DYNC2I2: variants seen among roughly 807,000 people sequenced by gnomAD.
DYNC2I2 encodes the protein dynein 2 intermediate chain 2, also known as cytoplasmic dynein 2 intermediate chain 2.
A neutral mutation model predicts 52.0 loss-of-function variants in DYNC2I2; 39 were observed. That is an observed-to-expected ratio of 0.75 (90% CI 0.58 to 0.98). The LOEUF is 0.98. Among genes scored for constraint, DYNC2I2 ranks in the 50% least tolerant of loss-of-function variants. The probability of loss-of-function intolerance (pLI) is 0.00; values close to 1 mark genes in which losing one functional copy is unlikely to be tolerated. For synonymous variants in DYNC2I2, 359 were observed against 321.1 expected (o/e 1.12, Z -1.26); for missense variants, 743 against 728.4 (o/e 1.02, Z -0.23).
At chr9:128,683,769 A>G in the DYNC2I2 span, 2 of 722,922 alleles carry the variant, frequency 2.8e-6, no homozygotes, top group Non-Finnish European at 4.5e-6. Context: ...TCATGTAAAT[A>G]TCCCTTCCAG....
upstream of DYNC2I2, among the ~76,000 whole-genome samples, chr9:128,661,578 G>A (rs1000625592): frequency 3.3e-5 from 5 of 151,832 alleles, no homozygotes; most frequent in Middle Eastern, 3.5e-3. Context: ...AGATTGAGCC[G>A]TTGCACTCCA....
chr9:128,648,141 G>C (rs1448199038), intron 1 of DYNC2I2, among the ~76,000 whole-genome samples: 1 of 152,168 alleles, frequency 6.6e-6, no homozygotes, highest in Non-Finnish European at 1.5e-5. Context: ...GGGCACAGTG[G>C]CTCGCACCTG....
rs1318837079 is a variant in DYNC2I2, at chr9:128,635,776, A to G, written c.704-9T>C. On this transcript the variant is annotated splice_polypyrimidine_tract_variant and intron_variant, in intron 4 of 8. Coordinates refer to ENST00000372715, the MANE Select transcript of DYNC2I2 (RefSeq NM_052844.4). Reference sequence around the variant, plus strand: ...ACCACTGTACAGCCCTCCTGCAGGGACAGTGGACCTGGGCAGAGGCTCAGC... The same window carrying G: ...ACCACTGTACAGCCCTCCTGCAGGGGCAGTGGACCTGGGCAGAGGCTCAGC... The G allele has an allele frequency of 6.2e-7, 1 of 1,607,272 alleles. No individual in the cohort carries two copies. Among genetic ancestry groups the G allele is most frequent in the East Asian group, 2.2e-5 (1 of 44,686 alleles).
At chr9:128,660,370 A>G (rs1353020509), upstream of DYNC2I2, among the ~76,000 whole-genome samples, 1 of 151,730 alleles carries the variant, frequency 6.6e-6, no homozygotes, top group East Asian at 1.9e-4. Context: ...TCGGCCTCCC[A>G]AAGTGCTGGG....
At chr9:128,635,007 C>G in intron 6 of DYNC2I2, 85 bp downstream of exon 6, 2 of 1,583,814 alleles carry the variant, frequency 1.3e-6, no homozygotes, top group Non-Finnish European at 1.7e-6. Context: ...GAGGGGAGAT[C>G]ACAGCAAGTC....
upstream of DYNC2I2, among the ~76,000 whole-genome samples, chr9:128,658,150 G>C (rs527279405): frequency 6.6e-6 from 1 of 151,486 alleles, no homozygotes; most frequent in Non-Finnish European, 1.5e-5. Context: ...AAATGATCTG[G>C]GAAGGATAGA....
At chr9:128,678,602 C>G in the DYNC2I2 span, among the ~76,000 whole-genome samples, 10 of 150,766 alleles carry the variant, frequency 6.6e-5, no homozygotes, top group African/African-American at 9.7e-5. Context: ...GCTGGAATGA[C>G]GAGTACCCAC....
At chr9:128,647,234 A>AT (rs1860631975) in intron 1 of DYNC2I2, among the ~76,000 whole-genome samples, 1 of 152,216 alleles carries the variant, frequency 6.6e-6, no homozygotes, top group Non-Finnish European at 1.5e-5. Flanking sequence ...TAAGTCAGAG[A>AT]TCCCTTTGGG....
chr9:128,635,574 C>G lies in DYNC2I2; in HGVS notation c.813+84G>C. The G allele has an allele frequency of 3.1e-6, 4 of 1,288,202 alleles. No individual in the cohort carries two copies. In the South Asian group the frequency reaches 5.3e-5, roughly 17 times the overall value. The allele number at this position is 1,288,202 out of a possible 1,614,324, so 79.8% of individuals were successfully genotyped here. A position where few individuals can be genotyped will look rare whatever the true frequency, so the allele number is the denominator to read the frequency against. ...GGAGGCAGCTGTCCAACTGCCAACG[C>G]CCGGGTGACCTTCCTAGGAGAGTGG... On this transcript the variant is annotated intron_variant, in intron 5 of 8. Coordinates refer to ENST00000372715, the MANE Select transcript of DYNC2I2 (RefSeq NM_052844.4).
At chr9:128,644,392 A>G (rs1042727883) in intron 1 of DYNC2I2, among the ~76,000 whole-genome samples, 13 of 151,240 alleles carry the variant, frequency 8.6e-5, no homozygotes, top group African/African-American at 3.2e-4. Flanking sequence ...CTCCCACCTC[A>G]GCCCCCCAAG....
intron 1 of DYNC2I2, 55 bp downstream of exon 1, chr9:128,656,486 C>T: frequency 1.6e-6 from 2 of 1,216,786 alleles, no homozygotes; most frequent in Non-Finnish European, 1.0e-6. Flanking sequence ...CCGGCAGCCG[C>T]GCTGCGACCC....
At chr9:128,669,131 C>T in the DYNC2I2 span, among the ~76,000 whole-genome samples, 6 of 151,872 alleles carry the variant, frequency 4.0e-5, no homozygotes, top group South Asian at 2.1e-4. Flanking sequence ...TTTGGGAGGC[C>T]GAGGCGGGCG....
chr9:128,656,958 G>T (rs994094797), upstream of DYNC2I2, among the ~76,000 whole-genome samples: 3 of 152,244 alleles, frequency 2.0e-5, no homozygotes, highest in Non-Finnish European at 4.4e-5. Context: ...GAGTAGGCGC[G>T]CTACTCCTGG....
upstream of DYNC2I2, among the ~76,000 whole-genome samples, chr9:128,658,357 G>T (rs1476099578): frequency 6.6e-6 from 1 of 151,958 alleles, no homozygotes; most frequent in East Asian, 1.9e-4. Flanking sequence ...GTAGAGAAGG[G>T]TTTCACCATG....
rs752793349 is a variant in DYNC2I2, at chr9:128,656,683, C to T, written c.44G>A (p.Ser15Asn). Residue 15 changes from serine to asparagine, a missense_variant, in exon 1 of 9, where the codon AGC becomes AAC. Coordinates refer to ENST00000372715, the MANE Select transcript of DYNC2I2 (RefSeq NM_052844.4). ...AQPGPLSQAGSAGVAALATVG... is the reference protein window; with the variant it reads ...AQPGPLSQAGNAGVAALATVG... ...TGTCGCCAGCGCCGCAACACCAGCG[C>T]TTCCCGCCTGGCTGAGTGGCCCCGG... 5.9e-5 allele frequency: 89 copies of T among 1,498,244 alleles called. No homozygotes were observed. Among genetic ancestry groups the T allele is most frequent in the Middle Eastern group, 2.1e-4 (1 of 4,808 alleles). 92.8% of individuals were successfully genotyped at this position (1,498,244 alleles called of 1,614,324 possible). A position where few individuals can be genotyped will look rare whatever the true frequency, so the allele number is the denominator to read the frequency against.
At chr9:128,655,645 C>T (rs1203729312) in intron 1 of DYNC2I2, among the ~76,000 whole-genome samples, 2 of 150,220 alleles carry the variant, frequency 1.3e-5, no homozygotes, top group East Asian at 2.0e-4. Context: ...CGCGGTGGCT[C>T]ACGCCTGTAA....
intron 1 of DYNC2I2, among the ~76,000 whole-genome samples, chr9:128,645,023 G>A (rs1198725143): frequency 6.6e-6 from 1 of 151,954 alleles, no homozygotes; most frequent in Non-Finnish European, 1.5e-5. Context: ...TCTCTCCTTG[G>A]GCCTCCCTAT....
chr9:128,654,065 G>C (rs1437284247), intron 1 of DYNC2I2, among the ~76,000 whole-genome samples: 1 of 152,164 alleles, frequency 6.6e-6, no homozygotes, highest in East Asian at 1.9e-4. Context: ...TTTGAGTATT[G>C]CTTAAAAGCC....
chr9:128,657,702 G>A (rs954331421), upstream of DYNC2I2, among the ~76,000 whole-genome samples: 2 of 152,090 alleles, frequency 1.3e-5, no homozygotes, highest in African/African-American at 4.8e-5. Context: ...CACCTACTCG[G>A]CAGGCTGAGT....
Sources: allele counts gnomAD v4.1 joint callset (sites outside exome capture counted in the v4.1 genomes callset), GRCh38; gene constraint gnomAD v4.1.1; transcripts MANE v1.5; gene names NCBI Gene and HGNC (gene_info 2026-07-23, HGNC 2026-07-21).